Variants in SULT1E1 observed in about 807,000 individuals in gnomAD.
The protein encoded by SULT1E1 is sulfotransferase 1E1.
SULT1E1 carries 36 observed loss-of-function variants against 33.6 expected under a neutral mutation model. That is an observed-to-expected ratio of 1.07 (90% CI 0.82 to 1.41). SULT1E1 has a LOEUF of 1.41. SULT1E1 is among the 40% of genes most tolerant of loss of function. The probability of loss-of-function intolerance (pLI) is 0.00; values close to 1 mark genes in which losing one functional copy is unlikely to be tolerated. For missense variants in SULT1E1, 371 were observed against 345.7 expected (o/e 1.07, Z -0.58); for synonymous variants, 121 against 111.7 (o/e 1.08, Z -0.53).
At chr4:69,822,208 T>G in the SULT1E1 span, among the ~76,000 whole-genome samples, 2 of 152,346 alleles carry the variant, frequency 1.3e-5, no homozygotes, top group Middle Eastern at 6.8e-3. Flanking sequence ...TCAGGGTAAC[T>G]TATTCATTTA....
At chr4:69,839,456 G>C (rs116518216), downstream of SULT1E1, among the ~76,000 whole-genome samples, 1 of 152,170 alleles carries the variant, frequency 6.6e-6, no homozygotes, top group Non-Finnish European at 1.5e-5. Flanking sequence ...ATCCATTTAT[G>C]AGGGCAGATT....
downstream of SULT1E1, among the ~76,000 whole-genome samples, chr4:69,836,490 G>A (rs1469842662): frequency 6.6e-6 from 1 of 152,130 alleles, no homozygotes; most frequent in Non-Finnish European, 1.5e-5. Context: ...TATTCTCAAG[G>A]TCTTCTAACA....
chr4:69,832,395 GGC>G, the SULT1E1 span, among the ~76,000 whole-genome samples: 1 of 152,188 alleles, frequency 6.6e-6, no homozygotes, highest in Non-Finnish European at 1.5e-5. Context: ...AAATCAGGAG[GGC>G]AAGAGAGACC....
At chr4:69,827,857 T>G in the SULT1E1 span, among the ~76,000 whole-genome samples, 1 of 152,180 alleles carries the variant, frequency 6.6e-6, no homozygotes, top group Non-Finnish European at 1.5e-5. Context: ...GGGCTTGTTA[T>G]CAGTGTGGTT....
At chr4:69,843,304 C>T (rs528089687) in intron 7 of SULT1E1, among the ~76,000 whole-genome samples, 113 of 152,252 alleles carry the variant, frequency 7.4e-4, no homozygotes, top group African/African-American at 2.4e-3. Flanking sequence ...AGCAAGACAA[C>T]CGTTTTAAGT....
downstream of SULT1E1, among the ~76,000 whole-genome samples, chr4:69,837,053 A>T (rs141265003): frequency 3.3e-4 from 49 of 150,398 alleles, no homozygotes; most frequent in African/African-American, 1.0e-3. Context: ...ACTGCACTGT[A>T]GCCTGCATGA....
At chr4:69,833,898 G>C in the SULT1E1 span, among the ~76,000 whole-genome samples, 1 of 152,096 alleles carries the variant, frequency 6.6e-6, no homozygotes, top group African/African-American at 2.4e-5. Context: ...CACATTTGTT[G>C]TTAAATTTAA....
the SULT1E1 span, among the ~76,000 whole-genome samples, chr4:69,824,889 T>C: frequency 6.6e-6 from 1 of 152,184 alleles, no homozygotes; most frequent in Non-Finnish European, 1.5e-5. Flanking sequence ...GAGGTCCCTT[T>C]CCACCCTGTG....
intron 4 of SULT1E1, among the ~76,000 whole-genome samples, 189 bp from the exon 5 acceptor site, chr4:69,849,752 G>A (rs775776547): frequency 1.3e-5 from 2 of 151,898 alleles, no homozygotes; most frequent in Admixed American, 1.3e-4. Context: ...GGTTTTTGTA[G>A]TGTTGTTCTC....
chr4:69,848,068 T>A (rs1343424049), intron 5 of SULT1E1, among the ~76,000 whole-genome samples: 1 of 145,822 alleles, frequency 6.9e-6, no homozygotes, highest in Non-Finnish European at 1.5e-5. Flanking sequence ...TTAAAGCTTA[T>A]GAGAAAATTG....
chr4:69,850,558 C>T (rs906070779), intron 4 of SULT1E1, among the ~76,000 whole-genome samples: 6 of 152,090 alleles, frequency 3.9e-5, no homozygotes, highest in Non-Finnish European at 7.4e-5. Flanking sequence ...TAAAAGTGAA[C>T]ATTTTTCATA....
Position 69,857,499 on chromosome 4 carries a change from C to A in SULT1E1, c.145+1G>T, listed in dbSNP as rs763133216. On this transcript the variant is annotated splice_donor_variant, in intron 2 of 7. Transcript: ENST00000226444. LOFTEE classifies it high-confidence loss of function. ...GAAAAAAGAACAACAAAGAGATTTA[C>A]CAGATTTAGGGTAGGTGGCAATGAC... The A allele has an allele frequency of 1.3e-6, 2 of 1,589,024 alleles. No individual in the cohort carries two copies. Among genetic ancestry groups the A allele is most frequent in the Non-Finnish European group, 1.7e-6 (2 of 1,173,284 alleles).
Position 69,844,347 on chromosome 4 carries a change from G to T in SULT1E1, c.592-6C>A, listed in dbSNP as rs759187205. 6.9e-6 allele frequency: 11 copies of T among 1,590,500 alleles called. No homozygotes were observed. Among genetic ancestry groups the T allele is most frequent in the Non-Finnish European group, 8.6e-6 (10 of 1,167,178 alleles). On this transcript the variant is annotated splice_polypyrimidine_tract_variant and splice_region_variant and intron_variant, in intron 6 of 7. Coordinates refer to ENST00000226444, the MANE Select transcript of SULT1E1 (RefSeq NM_005420.3). The stretch of plus-strand genomic sequence containing the variant: ...ATCACCTCTTTTCTGATATCCTAGG[G>T]AGAGAAAATGTTTTGAGAACTAAAT...
intron 5 of SULT1E1, 107 bp downstream of exon 5, chr4:69,849,330 G>A (rs1560555691): frequency 4.5e-6 from 6 of 1,332,030 alleles, no homozygotes; most frequent in Non-Finnish European, 6.2e-6. Context: ...TTTTAACTAT[G>A]AATCAGGGAA....
chr4:69,829,375 C>G, the SULT1E1 span, among the ~76,000 whole-genome samples: 1 of 152,142 alleles, frequency 6.6e-6, no homozygotes, highest in Non-Finnish European at 1.5e-5. Context: ...TGGACCCAAA[C>G]CAGAGTTGCT....
At chr4:69,844,871 A>G (rs1481233841) in intron 6 of SULT1E1, among the ~76,000 whole-genome samples, 2 of 152,132 alleles carry the variant, frequency 1.3e-5, no homozygotes, top group Non-Finnish European at 2.9e-5. Flanking sequence ...AATATACACC[A>G]TTATTCAGCT....
At chr4:69,835,825 G>T in the SULT1E1 span, among the ~76,000 whole-genome samples, 13 of 152,114 alleles carry the variant, frequency 8.5e-5, 1 homozygote, top group Non-Finnish European at 1.8e-4. Flanking sequence ...AGACTGGGTT[G>T]TTTTGTAGAA....
intron 4 of SULT1E1, among the ~76,000 whole-genome samples, chr4:69,852,082 C>T (rs1274844885): frequency 2.0e-5 from 3 of 151,998 alleles, no homozygotes; most frequent in African/African-American, 7.3e-5. Context: ...ATGTAACAAA[C>T]CTGCACATTG....
chr4:69,838,619 T>C (rs1161193800), downstream of SULT1E1: 1 of 152,156 alleles, frequency 6.6e-6, no homozygotes, highest in Admixed American at 6.5e-5. Flanking sequence ...TTCTTTCCCT[T>C]TGTTCCCTTG....
Sources: allele counts gnomAD v4.1 joint callset (sites outside exome capture counted in the v4.1 genomes callset), GRCh38; gene constraint gnomAD v4.1.1; transcripts MANE v1.5; gene names NCBI Gene and HGNC (gene_info 2026-07-23, HGNC 2026-07-21).